The following OR56A3 variants were observed in gnomAD, a reference collection of about 807,000 sequenced individuals.
The protein encoded by OR56A3 is olfactory receptor family 56 subfamily A member 3.
Under a neutral mutation model 17.5 loss-of-function variants are expected in OR56A3, and 23 were observed. The ratio of observed to expected loss-of-function variants is 1.32; its 90% CI spans 0.95 to 1.87. OR56A3 has a LOEUF of 1.87. OR56A3 is among the 40% of genes most tolerant of loss of function. OR56A3 has a pLI of 0.00. For synonymous variants in OR56A3, 175 were observed against 150.6 expected (o/e 1.16, Z -1.19); for missense variants, 366 against 380.1 (o/e 0.96, Z 0.31).
At chr11:5,959,367 G>A in the OR56A3 span, among the ~76,000 whole-genome samples, 1 of 152,102 alleles carries the variant, frequency 6.6e-6, no homozygotes, top group Non-Finnish European at 1.5e-5. Context: ...GGAGTAAGGT[G>A]ACATCTCATC....
At chr11:5,954,921 A>G (rs1332659361), downstream of OR56A3, among the ~76,000 whole-genome samples, 2 of 152,212 alleles carry the variant, frequency 1.3e-5, no homozygotes, top group Non-Finnish European at 2.9e-5. Context: ...AAAGCAAAAC[A>G]GCAAAGAAGA....
Position 5,950,296 on chromosome 11 carries a change from G to A in OR56A3, c.*2002G>A, listed in dbSNP as rs1425689975. On this transcript the variant is annotated 3_prime_UTR_variant, in exon 3 of 3. Coordinates refer to ENST00000641160, the MANE Select transcript of OR56A3 (RefSeq NM_001003443.3). ...GGTGCCAGGAAAAGGACATATTGAG[G>A]GATTTAGAGTACATACCTCCCTGAG... is the stretch of plus-strand genomic sequence containing the variant. The A allele has an allele frequency of 6.6e-6, 1 of 151,934 alleles. No individual in the cohort carries two copies. The highest frequency in any genetic ancestry group is 2.4e-5 in the African/African-American group (1 of 41,354). The allele number at this position is 151,934 out of a possible 1,614,324, so 9.4% of individuals were successfully genotyped here.
At chr11:5,943,815 G>T (rs750173800) in intron 1 of OR56A3, among the ~76,000 whole-genome samples, 3 of 152,190 alleles carry the variant, frequency 2.0e-5, no homozygotes, top group Admixed American at 6.5e-5. Flanking sequence ...CAGAAAGTAG[G>T]ATCAGAGGAT....
At chr11:6,002,097 G>A in the OR56A3 span, 12 of 1,611,208 alleles carry the variant, frequency 7.4e-6, no homozygotes, top group Admixed American at 6.7e-5. Context: ...GATCTCCTTG[G>A]TTCTCACACC....
chr11:5,965,467 G>A, the OR56A3 span, among the ~76,000 whole-genome samples: 94,095 of 151,990 alleles, frequency 0.62, 29,655 homozygotes, highest in African/African-American at 0.72. Context: ...TCTATGGTAG[G>A]TAAGATTGCA....
intron 1 of OR56A3, among the ~76,000 whole-genome samples, 193 bp from the exon 2 acceptor site, chr11:5,944,613 C>G (rs1046836745): frequency 3.3e-5 from 5 of 152,212 alleles, no homozygotes; most frequent in African/African-American, 1.2e-4. Context: ...ATTTTCTCCA[C>G]AGCTGAACCC....
the OR56A3 span, among the ~76,000 whole-genome samples, chr11:6,004,568 A>G: frequency 6.6e-6 from 1 of 152,212 alleles, no homozygotes; most frequent in African/African-American, 2.4e-5. Flanking sequence ...CTTTCTAAAC[A>G]TAAATTATAC....
chr11:5,982,821 T>C, the OR56A3 span, among the ~76,000 whole-genome samples: 1 of 152,110 alleles, frequency 6.6e-6, no homozygotes, highest in African/African-American at 2.4e-5. Flanking sequence ...ATTCCAGAGG[T>C]ACATGGAGAG....
the OR56A3 span, chr11:6,001,795 C>A: frequency 2.6e-6 from 1 of 390,920 alleles, no homozygotes; most frequent in South Asian, 7.2e-5. Flanking sequence ...TGGCAAGATT[C>A]TTTGTTGCAG....
chr11:6,006,644 C>T, the OR56A3 span, among the ~76,000 whole-genome samples: 1 of 152,162 alleles, frequency 6.6e-6, no homozygotes, highest in South Asian at 2.1e-4. Flanking sequence ...AGAGCCTTGA[C>T]CTCATAGCTA....
chr11:5,980,362 C>T, the OR56A3 span, among the ~76,000 whole-genome samples: 1 of 151,994 alleles, frequency 6.6e-6, no homozygotes, highest in African/African-American at 2.4e-5. Context: ...TATGAATGCT[C>T]AGTGTTGGGT....
intron 2 of OR56A3, among the ~76,000 whole-genome samples, chr11:5,945,488 G>A (rs527692285): frequency 2.3e-4 from 35 of 151,122 alleles, no homozygotes; most frequent in Middle Eastern, 3.4e-3. Context: ...AGGCTGAGGC[G>A]GGAGAATCGC....
Position 5,951,028 on chromosome 11 carries a change from T to C in OR56A3, c.*2734T>C, listed in dbSNP as rs1847904641. On this transcript the variant is annotated 3_prime_UTR_variant, in exon 3 of 3. Coordinates refer to ENST00000641160, the MANE Select transcript of OR56A3 (RefSeq NM_001003443.3). The stretch of plus-strand genomic sequence containing the variant: ...TGTTTTGCCAAGGAAGTCAGGGTTT[T>C]AGAGGAGAGTAAAGTTTTTTTTGTT... 6.6e-6 allele frequency: 1 copy of C among 152,152 alleles called. No individual in the cohort carries two copies. Among genetic ancestry groups the C allele is most frequent in the Admixed American group, 6.5e-5 (1 of 15,274 alleles). 9.4% of individuals were successfully genotyped at this position (152,152 alleles called of 1,614,324 possible).
the OR56A3 span, among the ~76,000 whole-genome samples, chr11:5,989,978 G>A: frequency 1.3e-5 from 2 of 152,172 alleles, no homozygotes; most frequent in African/African-American, 2.4e-5. Flanking sequence ...TTCAACCCAA[G>A]CAACCTTTCT....
chr11:5,994,911 T>C, the OR56A3 span: 2 of 756,344 alleles, frequency 2.6e-6, no homozygotes, highest in Non-Finnish European at 4.8e-6. Context: ...AGGCTTTGCA[T>C]GGTCTCCTTC....
At chr11:5,968,358 G>A in the OR56A3 span, 2 of 1,613,864 alleles carry the variant, frequency 1.2e-6, no homozygotes, top group South Asian at 2.2e-5. Flanking sequence ...CAGAAGGGTG[G>A]CATTGGCCCC....
At chr11:6,010,424 G>T in the OR56A3 span, among the ~76,000 whole-genome samples, 2 of 152,154 alleles carry the variant, frequency 1.3e-5, no homozygotes, top group African/African-American at 4.8e-5. Context: ...GGTGATTAGG[G>T]CATGAGAGAT....
chr11:5,998,762 C>G, the OR56A3 span, among the ~76,000 whole-genome samples: 1 of 152,206 alleles, frequency 6.6e-6, no homozygotes, highest in East Asian at 1.9e-4. Context: ...CTTAACACTG[C>G]TTTGAGCAGG....
the OR56A3 span, among the ~76,000 whole-genome samples, chr11:6,011,282 A>G: frequency 6.6e-6 from 1 of 151,414 alleles, no homozygotes; most frequent in Non-Finnish European, 1.5e-5. Context: ...CTGCCATGAA[A>G]AGGAAGTCAG....
Sources: gnomAD v4.1 joint callset for allele counts (sites outside exome capture counted in the v4.1 genomes callset) on GRCh38, gnomAD v4.1.1 for gene constraint, MANE v1.5 for transcripts, NCBI Gene and HGNC (gene_info 2026-07-23, HGNC 2026-07-21) for gene names.